RAB20: variants seen among roughly 807,000 people sequenced by gnomAD.
The protein encoded by RAB20 is RAB20, member RAS oncogene family.
In RAB20, 2 loss-of-function variants were observed where a neutral mutation model predicts 3.7. The observed-to-expected ratio is 0.54, with a 90% CI of 0.22 to 1.69. RAB20 has a LOEUF of 1.69. Ranked by LOEUF, RAB20 falls within the 40% of genes most tolerant of loss-of-function variation. The probability of loss-of-function intolerance (pLI) is 0.19; values close to 1 mark genes in which losing one functional copy is unlikely to be tolerated. For synonymous variants in RAB20, 126 were observed against 130.8 expected (o/e 0.96, Z 0.25); for missense variants, 276 against 311.9 (o/e 0.88, Z 0.87).
At chr13:110,532,778 A>C (rs1884565947) in intron 1 of RAB20, among the ~76,000 whole-genome samples, 1 of 152,184 alleles carries the variant, frequency 6.6e-6, no homozygotes, top group African/African-American at 2.4e-5. Flanking sequence ...TTCTGGGCTT[A>C]AGTGTTCCTC....
chr13:110,532,271 G>T (rs1216980530), intron 1 of RAB20, among the ~76,000 whole-genome samples: 1 of 152,162 alleles, frequency 6.6e-6, no homozygotes, highest in East Asian at 1.9e-4. Context: ...AAATAAAAGG[G>T]CAGCTATTGA....
At chr13:110,559,717 A>G (rs1168544932) in intron 1 of RAB20, among the ~76,000 whole-genome samples, 2 of 152,232 alleles carry the variant, frequency 1.3e-5, no homozygotes, top group Non-Finnish European at 2.9e-5. Context: ...CTGGGGCGTC[A>G]CATCAGCACA....
At chr13:110,527,027 G>A (rs1284140459) in intron 1 of RAB20, among the ~76,000 whole-genome samples, 1 of 152,042 alleles carries the variant, frequency 6.6e-6, no homozygotes, top group African/African-American at 2.4e-5. Context: ...TGGGGCTTTG[G>A]AGCATGGACT....
Position 110,523,188 on chromosome 13 carries a change from T to A in RAB20, c.*477A>T. The A allele has an allele frequency of 2.5e-6, 1 of 404,154 alleles. No individual in the cohort carries two copies. The highest frequency in any genetic ancestry group is 4.4e-6 in the Non-Finnish European group (1 of 229,850). The allele number at this position is 404,154 out of a possible 1,614,324, so 25.0% of individuals were successfully genotyped here. A position where few individuals can be genotyped will look rare whatever the true frequency, so the allele number is the denominator to read the frequency against. ...CGTCGAGAGTCAGGATTATAAAGCA[T>A]CAAGATACAAGTACCAAGTGGGAGG... On this transcript the variant is annotated 3_prime_UTR_variant, in exon 2 of 2. Transcript: ENST00000267328.
Position 110,533,631 on chromosome 13 carries a change from G to A in RAB20, c.173-9434C>T, listed in dbSNP as rs1228672274. Among the ~76,000 whole-genome samples, 4 of 152,194 alleles carry A rather than the reference G, an allele frequency of 2.6e-5. No homozygotes were observed. In the East Asian group the frequency reaches 7.7e-4, roughly 29 times the overall value. On this transcript the variant is annotated intron_variant, in intron 1 of 1. Transcript: ENST00000267328. ...TAAGCCCAGGAGGTTGGGCTGCAGT[G>A]AGCTGGGATACTGCCACTGCACTCT... is the stretch of plus-strand genomic sequence containing the variant.
intron 1 of RAB20, among the ~76,000 whole-genome samples, chr13:110,558,306 G>A (rs1395725890): frequency 2.0e-5 from 3 of 151,944 alleles, no homozygotes; most frequent in African/African-American, 7.3e-5. Flanking sequence ...CCCTAAAAGG[G>A]CATAATGAGA....
chr13:110,542,895 C>CCGTTCA lies in RAB20; in HGVS notation c.172+18447_172+18452dup, dbSNP rs1482727382. 3.9e-5 allele frequency among the ~76,000 whole-genome samples: 6 copies of CCGTTCA among 152,290 alleles called. No individual in the cohort carries two copies. In the South Asian group the frequency reaches 1.2e-3, roughly 32 times the overall value. ...ATCATGTCTTCCACCGCGGCCATAC[C>CCGTTCA]CGTTCACATTCCCACCAGCAATGTG... On this transcript the variant is annotated intron_variant, in intron 1 of 1. Transcript: ENST00000267328.
intron 1 of RAB20, among the ~76,000 whole-genome samples, chr13:110,540,706 C>T (rs1884742349): frequency 6.7e-6 from 1 of 149,856 alleles, no homozygotes; most frequent in Admixed American, 6.7e-5. Flanking sequence ...CGCGCCATTG[C>T]ACTCCAGCCT....
intron 1 of RAB20, among the ~76,000 whole-genome samples, chr13:110,541,986 T>A (rs1884771602): frequency 6.6e-6 from 1 of 152,156 alleles, no homozygotes; most frequent in Non-Finnish European, 1.5e-5. Context: ...GTGGCCACCA[T>A]CAGCAGGAAC....
intron 1 of RAB20, among the ~76,000 whole-genome samples, chr13:110,544,693 T>C (rs79581543): frequency 2.5e-4 from 38 of 152,214 alleles, no homozygotes; most frequent in Admixed American, 5.9e-4. Flanking sequence ...GAGGGTGACA[T>C]CTAGGAAGAC....
At chr13:110,554,439 G>A (rs1352402663) in intron 1 of RAB20, among the ~76,000 whole-genome samples, 3 of 152,160 alleles carry the variant, frequency 2.0e-5, no homozygotes, top group Non-Finnish European at 2.9e-5. Context: ...GTGGGGGCTC[G>A]CGGTCCTCTG....
intron 1 of RAB20, among the ~76,000 whole-genome samples, chr13:110,536,675 GCT>G (rs1884643867): frequency 8.6e-6 from 1 of 116,928 alleles, no homozygotes; most frequent in African/African-American, 3.3e-5. Flanking sequence ...ACAAGTCACA[GCT>G]CACAGAAATC....
At chr13:110,528,685 C>A (rs148319422) in intron 1 of RAB20, among the ~76,000 whole-genome samples, 1 of 152,222 alleles carries the variant, frequency 6.6e-6, no homozygotes, top group East Asian at 1.9e-4. Flanking sequence ...AAAGGGAGAA[C>A]CGTGTTGATG....
chr13:110,531,477 T>G (rs1409862550), intron 1 of RAB20, among the ~76,000 whole-genome samples: 1 of 152,138 alleles, frequency 6.6e-6, no homozygotes, highest in Non-Finnish European at 1.5e-5. Context: ...TACATTCAAA[T>G]CCCCACCGTG....
intron 1 of RAB20, among the ~76,000 whole-genome samples, chr13:110,536,693 C>T (rs1884644001): frequency 8.7e-6 from 1 of 114,770 alleles, no homozygotes; most frequent in African/African-American, 3.5e-5. Context: ...AAATCACATG[C>T]ACAGGAATAT....
At chr13:110,532,068 T>C (rs1201444341) in intron 1 of RAB20, among the ~76,000 whole-genome samples, 2 of 152,136 alleles carry the variant, frequency 1.3e-5, no homozygotes, top group Non-Finnish European at 2.9e-5. Flanking sequence ...GAGATAGCCA[T>C]CAGAAGCCAC....
intron 1 of RAB20, among the ~76,000 whole-genome samples, chr13:110,560,714 T>C (rs899287977): frequency 6.6e-6 from 1 of 152,034 alleles, no homozygotes; most frequent in African/African-American, 2.4e-5. Context: ...TCACAAATAC[T>C]ACACAATAAA....
intron 1 of RAB20, among the ~76,000 whole-genome samples, chr13:110,525,474 C>T (rs1884413006): frequency 6.6e-6 from 1 of 152,230 alleles, no homozygotes; most frequent in South Asian, 2.1e-4. Context: ...GTGCACAGAT[C>T]CCCAAGGGGG....
chr13:110,546,787 G>C (rs1041190433), intron 1 of RAB20, among the ~76,000 whole-genome samples: 4 of 151,770 alleles, frequency 2.6e-5, no homozygotes, highest in African/African-American at 9.7e-5. Flanking sequence ...GCCCAGGCTG[G>C]AGTGCAGTGG....
Sources: allele counts gnomAD v4.1 joint callset (sites outside exome capture counted in the v4.1 genomes callset), GRCh38; gene constraint gnomAD v4.1.1; transcripts MANE v1.5; gene names NCBI Gene and HGNC (gene_info 2026-07-23, HGNC 2026-07-21).